Variants in ZNF804B observed in about 807,000 individuals in gnomAD.
ZNF804B encodes the protein zinc finger 804B.
ZNF804B carries 80 observed loss-of-function variants against 101.4 expected under a neutral mutation model. The ratio of observed to expected loss-of-function variants is 0.79; its 90% confidence interval spans 0.66 to 0.95. ZNF804B has a LOEUF of 0.95. ZNF804B is among the 40% of genes least tolerant of loss of function. The pLI, the probability that ZNF804B is intolerant of heterozygous loss-of-function variation, is 0.00. For missense variants in ZNF804B, 1,673 were observed against 1,561.9 expected, an observed-to-expected ratio of 1.07 and a Z score of -1.20; for synonymous variants, 622 against 558.8, an observed-to-expected ratio of 1.11 and a Z score of -1.59.
intron 1 of ZNF804B, among the ~76,000 whole-genome samples, chr7:89,130,185 A>G (rs1050042835): frequency 1.3e-5 from 2 of 152,010 alleles, no homozygotes; most frequent in East Asian, 1.9e-4. Context: ...CTGCATCCCA[A>G]TTGAAAGGTG....
intron 2 of ZNF804B, among the ~76,000 whole-genome samples, chr7:89,322,751 A>G (rs986215122): frequency 6.6e-6 from 1 of 152,226 alleles, no homozygotes; most frequent in East Asian, 1.9e-4. Flanking sequence ...TTTGTCTTAT[A>G]TATCTTGCAT....
intron 1 of ZNF804B, among the ~76,000 whole-genome samples, chr7:89,153,633 G>A (rs1234149075): frequency 6.6e-6 from 1 of 152,024 alleles, no homozygotes; most frequent in East Asian, 1.9e-4. Context: ...CATAAGACAA[G>A]TGGTCACGAT....
intron 1 of ZNF804B, among the ~76,000 whole-genome samples, chr7:88,886,818 C>G (rs1311800185): frequency 6.6e-6 from 1 of 151,294 alleles, no homozygotes; most frequent in East Asian, 1.9e-4. Context: ...GACTTTTTAT[C>G]AAAACATTTT....
chr7:89,303,588 A>G (rs936386683), intron 2 of ZNF804B, among the ~76,000 whole-genome samples: 1 of 151,960 alleles, frequency 6.6e-6, no homozygotes, highest in Non-Finnish European at 1.5e-5. Context: ...TATCTTAAAC[A>G]TCAGGATGTA....
intron 1 of ZNF804B, among the ~76,000 whole-genome samples, chr7:88,997,696 G>A (rs978230772): frequency 6.6e-6 from 1 of 151,960 alleles, no homozygotes; most frequent in African/African-American, 2.4e-5. Flanking sequence ...GCATATCTGT[G>A]GTACTAATTT....
chr7:88,914,514 C>CAA (rs200130218), intron 1 of ZNF804B, among the ~76,000 whole-genome samples: 1 of 152,142 alleles, frequency 6.6e-6, no homozygotes, highest in Non-Finnish European at 1.5e-5. Context: ...ATCATTCCCT[C>CAA]GCGTATTTTA....
chr7:89,249,275 G>A (rs770308273), intron 2 of ZNF804B, among the ~76,000 whole-genome samples: 11 of 152,074 alleles, frequency 7.2e-5, no homozygotes, highest in Admixed American at 1.3e-4. Context: ...CAATTGGCCA[G>A]TTGGACCTAA....
At chr7:89,246,967 C>G (rs1484233042) in intron 2 of ZNF804B, among the ~76,000 whole-genome samples, 1 of 152,192 alleles carries the variant, frequency 6.6e-6, no homozygotes, top group Admixed American at 6.5e-5. Context: ...GGTTCAGCAG[C>G]CTGAGTTGCC....
chr7:89,070,152 G>A (rs1789514423), intron 1 of ZNF804B, among the ~76,000 whole-genome samples: 1 of 152,170 alleles, frequency 6.6e-6, no homozygotes, highest in African/African-American at 2.4e-5. Context: ...ATGAAGTAAA[G>A]TGGCAAGGCA....
Position 89,336,275 on chromosome 7 carries a change from T to C in ZNF804B, c.3293T>C (p.Leu1098Pro), listed in dbSNP as rs761456230. 6 of 1,613,828 alleles carry C rather than the reference T, an allele frequency of 3.7e-6. No individual in the cohort carries two copies. The South Asian group carries it at 5.5e-5, about 15-fold the overall frequency. ...STETQEDQIN[L>P]DLQDVSMHIN... ...GAGACCCAAGAAGACCAAATAAATC[T>C]AGACTTACAGGATGTAAGCATGCAT... The change falls in exon 4 of 4, where the codon CTA becomes CCA. Residue 1098 changes from leucine (L) to proline (P), a missense_variant. Leu to Pro is a moderately conservative substitution (Grantham distance 98). Coordinates refer to ENST00000333190, the MANE Select transcript of ZNF804B (RefSeq NM_181646.5).
intron 1 of ZNF804B, among the ~76,000 whole-genome samples, chr7:88,822,102 C>T (rs887788191): frequency 1.3e-5 from 2 of 152,152 alleles, no homozygotes; most frequent in African/African-American, 4.8e-5. Flanking sequence ...GTAAGACCAA[C>T]TAATTATACT....
intron 1 of ZNF804B, among the ~76,000 whole-genome samples, chr7:88,900,372 G>T (rs989550968): frequency 4.6e-5 from 7 of 151,590 alleles, no homozygotes; most frequent in Admixed American, 3.9e-4. Context: ...ATTCCTATTA[G>T]ATTTTACTTG....
At chr7:89,131,892 G>T (rs1306278632) in intron 1 of ZNF804B, among the ~76,000 whole-genome samples, 1 of 151,838 alleles carries the variant, frequency 6.6e-6, no homozygotes, top group Non-Finnish European at 1.5e-5. Flanking sequence ...CGAATCTTAG[G>T]CTAAGACCCC....
chr7:88,786,043 T>G (rs1280904911), intron 1 of ZNF804B, among the ~76,000 whole-genome samples: 1 of 152,140 alleles, frequency 6.6e-6, no homozygotes, highest in African/African-American at 2.4e-5. Context: ...GAAATTATGC[T>G]TATTTTGCTT....
chr7:89,048,476 C>T (rs1789148226), intron 1 of ZNF804B, among the ~76,000 whole-genome samples: 1 of 151,714 alleles, frequency 6.6e-6, no homozygotes, highest in South Asian at 2.1e-4. Context: ...CTCTTTGTAG[C>T]CCAGTTGGCC....
chr7:88,767,053 A>G (rs1009115295), intron 1 of ZNF804B, among the ~76,000 whole-genome samples: 1 of 152,078 alleles, frequency 6.6e-6, no homozygotes, highest in Non-Finnish European at 1.5e-5. Flanking sequence ...TCTTCTTGCC[A>G]TCAGTCCTTA....
chr7:89,291,048 A>G lies in ZNF804B; in HGVS notation c.250-36296A>G, dbSNP rs1790282218. ...AAGACTACTGTGGCAGTACCTCTAT[A>G]GGTCTGCAAGAACCACAGTGTTACT... On this transcript the variant is annotated intron_variant, in intron 2 of 3. Coordinates refer to ENST00000333190, the MANE Select transcript of ZNF804B (RefSeq NM_181646.5). 2.6e-5 allele frequency among the ~76,000 whole-genome samples: 4 copies of G among 152,220 alleles called. No homozygotes were observed. The South Asian group carries it at 8.3e-4, about 31-fold the overall frequency.
intron 1 of ZNF804B, among the ~76,000 whole-genome samples, chr7:88,957,212 A>T (rs576999424): frequency 3.0e-4 from 45 of 151,586 alleles, no homozygotes; most frequent in African/African-American, 1.1e-3. Flanking sequence ...TATCCAGAAC[A>T]CATTTTGTGG....
rs537594471 is a variant in ZNF804B at position 88,816,492 on chromosome 7, A to G, written c.108+56408A>G. On this transcript the variant is annotated intron_variant, in intron 1 of 3. Coordinates refer to ENST00000333190, the MANE Select transcript of ZNF804B (RefSeq NM_181646.5). Reference sequence around the variant, plus strand: ...TTTTGCAATCTACTCATCTGACAAAAGGCTAATATCCAGAATCTACGATGA... The same window carrying G: ...TTTTGCAATCTACTCATCTGACAAAGGGCTAATATCCAGAATCTACGATGA... Among the ~76,000 whole-genome samples the G allele has an allele frequency of 1.8e-3, 278 of 152,058 alleles. 1 individual carries two copies. The highest frequency in any genetic ancestry group is 6.3e-3 in the African/African-American group (260 of 41,418).
Sources: allele counts gnomAD v4.1 joint callset (sites outside exome capture counted in the v4.1 genomes callset), GRCh38; gene constraint gnomAD v4.1.1; transcripts MANE v1.5; gene names NCBI Gene and HGNC (gene_info 2026-07-23, HGNC 2026-07-21).